Variants in BCAT2 observed in about 807,000 individuals in gnomAD.
The protein encoded by BCAT2 is branched chain amino acid transaminase 2, also known as branched-chain-amino-acid aminotransferase, mitochondrial.
BCAT2 carries 44 observed loss-of-function variants against 52.9 expected under a neutral mutation model. The ratio of observed to expected loss-of-function variants is 0.83; its 90% confidence interval spans 0.65 to 1.07. BCAT2 has a LOEUF of 1.07. BCAT2 is among the 50% of genes least tolerant of loss of function. The pLI is 0.00. For synonymous variants in BCAT2, 215 were observed against 217.1 expected (o/e 0.99, Z 0.08); for missense variants, 478 against 521.8 (o/e 0.92, Z 0.82).
chr19:48,796,361 G>C, intron 10 of BCAT2, 67 bp downstream of exon 10: 1 of 1,585,370 alleles, frequency 6.3e-7, no homozygotes, highest in Non-Finnish European at 8.7e-7. Flanking sequence ...TAGTCCAGGG[G>C]CTCATGGGAC....
chr19:48,798,212 C>T lies in BCAT2; in HGVS notation c.696-879G>A, dbSNP rs144150545. ...GAGCTACCGCGCCTGGCTCCAAAAC[C>T]GTTTCTGTTGTCACCTCCTCGAGAG... On this transcript the variant is annotated intron_variant, in intron 6 of 10. Transcript: ENST00000316273. Among the ~76,000 whole-genome samples, 400 of 152,270 alleles carry T rather than the reference C, an allele frequency of 2.6e-3. 2 individuals are homozygous for T. Among genetic ancestry groups the T allele is most frequent in the Non-Finnish European group, 8.7e-4 (59 of 68,028 alleles).
Position 48,807,017 on chromosome 19 carries a change from C to A in BCAT2, c.82G>T (p.Ala28Ser), listed in dbSNP as rs1188285321. The A allele has an allele frequency of 1.2e-6, 2 of 1,613,946 alleles. No individual in the cohort carries two copies. The highest frequency in any genetic ancestry group is 1.7e-6 in the Non-Finnish European group (2 of 1,179,920). Reference sequence around the variant, plus strand: ...CCTTTCACCTTGAAACTGGAGGAGGCATATCTTCTGGGACCACACAGAAGC... The same window carrying A: ...CCTTTCACCTTGAAACTGGAGGAGGAATATCTTCTGGGACCACACAGAAGC... ...PWLLCGPRRY[A>S]SSSFKAADLQ... Residue 28 changes from alanine (A) to serine (S), a missense_variant, in exon 2 of 11, where the codon GCC (alanine) becomes TCC (serine). Ala to Ser is a moderately conservative substitution (Grantham distance 99). Transcript: ENST00000316273. The surrounding 1 kb of genome is among the most constrained non-coding windows in gnomAD (Gnocchi z 4.6).
At chr19:48,804,918 CT>C (rs1186587040) in intron 3 of BCAT2, among the ~76,000 whole-genome samples, 2 of 151,792 alleles carry the variant, frequency 1.3e-5, no homozygotes, top group African/African-American at 4.8e-5. Context: ...TGTGTGTGCT[CT>C]GTACAGAATC....
At chr19:48,806,864 T>C (rs908037117) in intron 2 of BCAT2, 136 bp downstream of exon 2, 40 of 1,388,036 alleles carry the variant, frequency 2.9e-5, no homozygotes, top group Admixed American at 3.7e-5. Context: ...TCATCCCTTG[T>C]CTGCGGCCCA....
intron 3 of BCAT2, among the ~76,000 whole-genome samples, chr19:48,802,771 T>C (rs539600211): frequency 2.4e-4 from 37 of 152,134 alleles, no homozygotes; most frequent in Non-Finnish European, 5.1e-4. Flanking sequence ...TATTGCAAAA[T>C]TGTTTATAAT....
chr19:48,803,950 G>A (rs2034709516), intron 3 of BCAT2, among the ~76,000 whole-genome samples: 1 of 152,126 alleles, frequency 6.6e-6, no homozygotes, highest in South Asian at 2.1e-4. Flanking sequence ...TCTGAGGTCG[G>A]GAGTTTGAGA....
At chr19:48,809,184 TGAACCCATGAGGCG>T (rs2034865441) in intron 1 of BCAT2, among the ~76,000 whole-genome samples, 1 of 150,484 alleles carries the variant, frequency 6.6e-6, no homozygotes, top group Non-Finnish European at 1.5e-5. Context: ...CACAGTCACT[TGAACCCATGAGGCG>T]GAGGTTACAG....
At position 48,807,692 on chromosome 19, in the gene BCAT2, C is replaced by T. The variant is rs1009784846; in HGVS notation, c.25-618G>A. The T allele has an allele frequency of 7.1e-6, 7 of 984,480 alleles. No individual in the cohort carries two copies. Among genetic ancestry groups the T allele is most frequent in the South Asian group, 4.5e-5 (1 of 22,124 alleles). The allele number at this position is 984,480 out of a possible 1,614,324, so 61.0% of individuals were successfully genotyped here. On this transcript the variant is annotated intron_variant, in intron 1 of 10. Transcript: ENST00000316273. This position sits in a 1 kb window ranked among gnomAD's most constrained non-coding sequence, Gnocchi z 4.6. Reference sequence around the variant, plus strand: ...GAGTCCAGTTCCCCAGCCCCTCCTCCGCCAGACCCAGGAGTACAGGTGCTT... The same window carrying T: ...GAGTCCAGTTCCCCAGCCCCTCCTCTGCCAGACCCAGGAGTACAGGTGCTT...
Position 48,796,489 on chromosome 19 carries a change from G to A in BCAT2, c.1079C>T (p.Pro360Leu). Reference sequence around the variant, plus strand: ...CAGCTCAGGCCCATTTTCCATGGTGGGAATGTGGAGGTTCTGGGACAGAAG... The same window carrying A: ...CAGCTCAGGCCCATTTTCCATGGTGAGAATGTGGAGGTTCTGGGACAGAAG... ...ILYKDRNLHI[P>L]TMENGPELIL... The change falls in exon 10 of 11, where the codon CCC becomes CTC. Residue 360 changes from proline (P) to leucine (L), a missense_variant. Pro to Leu is a moderately conservative substitution (Grantham distance 98). Coordinates refer to ENST00000316273, the MANE Select transcript of BCAT2 (RefSeq NM_001190.4). 6.2e-7 allele frequency: 1 copy of A among 1,613,578 alleles called. No homozygotes were observed. The highest frequency in any genetic ancestry group is 8.5e-7 in the Non-Finnish European group (1 of 1,179,912).
rs1237546175 is a variant in BCAT2, at chr19:48,797,343, G to A, written c.696-10C>T. Reference sequence around the variant, plus strand: ...GGTGGGCCCATAATTCCTGGTGGAGGGCAGTCTGGTTGGGTGGGGCAAGGG... The same window carrying A: ...GGTGGGCCCATAATTCCTGGTGGAGAGCAGTCTGGTTGGGTGGGGCAAGGG... On this transcript the variant is annotated splice_polypyrimidine_tract_variant and intron_variant, in intron 6 of 10. Transcript: ENST00000316273. 30 of 1,613,812 alleles carry A rather than the reference G, an allele frequency of 1.9e-5. No homozygotes were observed. The highest frequency in any genetic ancestry group is 2.7e-5 in the African/African-American group (2 of 74,926).
chr19:48,799,731 G>A lies in BCAT2; in HGVS notation c.639C>T (p.Ala213=), dbSNP rs139804733. The A allele has an allele frequency of 3.1e-6, 5 of 1,594,216 alleles. No individual in the cohort carries two copies. The highest frequency in any genetic ancestry group is 2.7e-5 in the African/African-American group (2 of 74,874). The part of the protein sequence containing the change: ...GGSVTPVSLL[A]DPAFIRAWVG... ...CCCAGGCCCGGATGAAGGCTGGGTC[G>A]GCCAGGAGGGAGACCGGGGTCACGG... The change falls in exon 6 of 11, where the codon GCC becomes GCT. Residue 213 remains alanine (A), a synonymous_variant. Transcript: ENST00000316273. The surrounding 1 kb of genome is among the most constrained non-coding windows in gnomAD (Gnocchi z 5.5).
chr19:48,806,632 G>A lies in BCAT2; in HGVS notation c.185C>T (p.Thr62Ile). 4.3e-6 allele frequency: 7 copies of A among 1,614,180 alleles called. No individual in the cohort carries two copies. Among genetic ancestry groups the A allele is most frequent in the Non-Finnish European group, 5.9e-6 (7 of 1,180,044 alleles). Reference protein sequence around the residue: ...GEPLVFGKTFTDHMLMVEWND... With the variant: ...GEPLVFGKTFIDHMLMVEWND... The stretch of plus-strand genomic sequence containing the variant: ...CCATTCCACCATCAGCATGTGGTCG[G>A]TAAATGTCTTCCCAAACACCAGGGG... Residue 62 changes from threonine (T) to isoleucine (I), a missense_variant, in exon 3 of 11, where the codon ACC becomes ATC. Coordinates refer to ENST00000316273, the MANE Select transcript of BCAT2 (RefSeq NM_001190.4).
Position 48,796,660 on chromosome 19 carries a change from T to A in BCAT2, c.983A>T (p.Glu328Val). 1 of 1,613,462 alleles carries A rather than the reference T, an allele frequency of 6.2e-7. No individual in the cohort carries two copies. The highest frequency in any genetic ancestry group is 8.5e-7 in the Non-Finnish European group (1 of 1,179,990). ...AAAGACTTCCCGCACGCGGCCCTCC[T>A]CCAGGGCCCGCAGCAACTGCTTCAT... ...ITMKQLLRAL[E>V]EGRVREVFGS... The change falls in exon 9 of 11, where the codon GAG becomes GTG. Residue 328 changes from glutamate to valine, a missense_variant. By Grantham distance (121) the Glu-to-Val change is moderately radical. Coordinates refer to ENST00000316273, the MANE Select transcript of BCAT2 (RefSeq NM_001190.4).
At chr19:48,795,632 C>T (rs1044464330) in intron 10 of BCAT2, among the ~76,000 whole-genome samples, 168 bp from the exon 11 acceptor site, 1 of 152,126 alleles carries the variant, frequency 6.6e-6, no homozygotes, top group Non-Finnish European at 1.5e-5. Context: ...GGAATCAAGG[C>T]TAAGGCGGCG....
In BCAT2 at chr19:48,795,422, A is replaced by G. The variant is rs767565885; in HGVS notation, c.*4T>C. 5.6e-6 allele frequency: 9 copies of G among 1,614,002 alleles called. No homozygotes were observed. Among genetic ancestry groups the G allele is most frequent in the Middle Eastern group, 1.6e-4 (1 of 6,062 alleles). On this transcript the variant is annotated 3_prime_UTR_variant, in exon 11 of 11. Coordinates refer to ENST00000316273, the MANE Select transcript of BCAT2 (RefSeq NM_001190.4). ...TCGGTGGATCTGGAGCACAGCCTGCAGCTTCACACCGGGAACATCCACTCG... is the reference window on the plus strand; with the variant it reads ...TCGGTGGATCTGGAGCACAGCCTGCGGCTTCACACCGGGAACATCCACTCG...
intron 1 of BCAT2, 76 bp downstream of exon 1, chr19:48,810,908 T>G: frequency 6.4e-7 from 1 of 1,568,426 alleles, no homozygotes; most frequent in South Asian, 1.2e-5. Context: ...TCGGACCGGC[T>G]GCAGGCCAGT....
chr19:48,807,170 C>G lies in BCAT2; in HGVS notation c.25-96G>C. On this transcript the variant is annotated intron_variant, in intron 1 of 10. Coordinates refer to ENST00000316273, the MANE Select transcript of BCAT2 (RefSeq NM_001190.4). The surrounding 1 kb of genome is among the most constrained non-coding windows in gnomAD (Gnocchi z 4.6). ...CTCCTGCACTTGGAGGTCCCACTGG[C>G]CTGCCTGTTCTGTCCCAGTTTCAGT... The G allele has an allele frequency of 2.9e-6, 3 of 1,035,430 alleles. No homozygotes were observed. The highest frequency in any genetic ancestry group is 3.1e-5 in the South Asian group (2 of 65,088). 64.1% of individuals were successfully genotyped at this position (1,035,430 alleles called of 1,614,324 possible).
Position 48,807,382 on chromosome 19 carries a change from A to C in BCAT2, c.25-308T>G. ...GGAGATCAGCTCAGACAAGAAAACAACCAGGGAAGGCACACAGGTAAGTGA... is the reference window on the plus strand; with the variant it reads ...GGAGATCAGCTCAGACAAGAAAACACCCAGGGAAGGCACACAGGTAAGTGA... On this transcript the variant is annotated intron_variant, in intron 1 of 10. Coordinates refer to ENST00000316273, the MANE Select transcript of BCAT2 (RefSeq NM_001190.4). The surrounding 1 kb of genome is among the most constrained non-coding windows in gnomAD (Gnocchi z 4.6). 3.5e-6 allele frequency: 1 copy of C among 287,344 alleles called. No homozygotes were observed. The highest frequency in any genetic ancestry group is 6.6e-6 in the Non-Finnish European group (1 of 150,966). 17.8% of individuals were successfully genotyped at this position (287,344 alleles called of 1,614,324 possible).
Position 48,810,944 on chromosome 19 carries a change from C to G in BCAT2, c.24+40G>C, listed in dbSNP as rs770250620. The G allele has an allele frequency of 2.7e-5, 44 of 1,602,456 alleles. 1 individual carries two copies. The Admixed American group carries it at 6.6e-4, about 24-fold the overall frequency. On this transcript the variant is annotated intron_variant, in intron 1 of 10. Transcript: ENST00000316273. ...GGTCTTCCCGGAAGTGCGCCTCCCC[C>G]GGTTATTTCCCAGACCCCGGCGCGG...
Sources: allele counts gnomAD v4.1 joint callset (sites outside exome capture counted in the v4.1 genomes callset), GRCh38; gene constraint gnomAD v4.1.1; non-coding constraint Gnocchi (gnomAD v3.1); transcripts MANE v1.5; gene names NCBI Gene and HGNC (gene_info 2026-07-23, HGNC 2026-07-21).